ZNF578: variants seen among roughly 807,000 people sequenced by gnomAD.
ZNF578 encodes zinc finger protein 578.
In ZNF578, 8 loss-of-function variants were observed where a neutral mutation model predicts 8.3. The observed-to-expected ratio is 0.96, with a 90% CI of 0.56 to 1.74. ZNF578 has a LOEUF of 1.74. ZNF578 is among the 40% of genes most tolerant of loss of function. The pLI is 0.00. For synonymous variants in ZNF578, 206 were observed against 232.2 expected, an observed-to-expected ratio of 0.89 and a Z score of 1.03; for missense variants, 726 against 707.5, an observed-to-expected ratio of 1.03 and a Z score of -0.30.
chr19:52,482,797 T>C (rs10401536), intron 2 of ZNF578, among the ~76,000 whole-genome samples: 93,177 of 151,074 alleles, frequency 0.62, 28,816 homozygotes, highest in African/African-American at 0.65. Context: ...ATTAGCGGGG[T>C]GTGGTGGTAC....
At chr19:52,488,920 C>T (rs1245249527) in intron 2 of ZNF578, among the ~76,000 whole-genome samples, 2 of 151,982 alleles carry the variant, frequency 1.3e-5, no homozygotes, top group African/African-American at 4.8e-5. Flanking sequence ...CATGGTGAAA[C>T]CCCGTCTCTA....
At chr19:52,489,542 C>A (rs534869701) in intron 2 of ZNF578, among the ~76,000 whole-genome samples, 1 of 152,040 alleles carries the variant, frequency 6.6e-6, no homozygotes, top group East Asian at 1.9e-4. Flanking sequence ...GAGCCAAGGT[C>A]ACGCCATTGC....
At chr19:52,459,713 A>ATG (rs1555751309) in intron 2 of ZNF578, among the ~76,000 whole-genome samples, 1,134 of 18,204 alleles carry the variant, frequency 0.062, 28 homozygotes, top group East Asian at 0.2. Flanking sequence ...ATATGTAGAT[A>ATG]TGTGTGTGTG....
chr19:52,460,196 G>A (rs955152017), intron 2 of ZNF578, among the ~76,000 whole-genome samples: 3 of 151,992 alleles, frequency 2.0e-5, no homozygotes, highest in Admixed American at 1.3e-4. Context: ...GGATTATATG[G>A]TAGTACTGTT....
At chr19:52,508,128 C>T (rs536567534) in intron 5 of ZNF578, among the ~76,000 whole-genome samples, 3 of 151,868 alleles carry the variant, frequency 2.0e-5, no homozygotes, top group African/African-American at 4.8e-5. Context: ...GTGCAGATCA[C>T]GAAGTCAAAA....
In ZNF578 at chr19:52,499,689, G is replaced by GTTTTTTTTTTTTTTTT. The variant is rs66824085; in HGVS notation, c.-19-2125_-19-2124insTTTTTTTTTTTTTTTT. On this transcript the variant is annotated intron_variant, in intron 3 of 5. Coordinates refer to ENST00000421239, the MANE Select transcript of ZNF578 (RefSeq NM_001099694.2). Reference sequence around the variant, plus strand: ...TGAGAAGATACATCACTTCCAAATCGTTTTTTTTTTTTTGAGATGAATTTT... The same window carrying GTTTTTTTTTTTTTTTT: ...TGAGAAGATACATCACTTCCAAATCGTTTTTTTTTTTTTTTTTTTTTTTTTTTTTGAGATGAATTTT... Among the ~76,000 whole-genome samples, 36 of 141,574 alleles carry GTTTTTTTTTTTTTTTT rather than the reference G, an allele frequency of 2.5e-4. 1 individual carries two copies. Among genetic ancestry groups the GTTTTTTTTTTTTTTTT allele is most frequent in the African/African-American group, 8.8e-4 (33 of 37,544 alleles). 92.9% of individuals were successfully genotyped at this position (141,574 alleles called of 152,430 possible).
intron 2 of ZNF578, among the ~76,000 whole-genome samples, chr19:52,484,851 CACTG>C (rs1208350669): frequency 2.6e-5 from 4 of 151,332 alleles, no homozygotes; most frequent in African/African-American, 4.8e-5. Flanking sequence ...TATCTCCCTT[CACTG>C]ACTCTCTTTT....
At position 52,504,662 on chromosome 19, in the gene ZNF578, T is replaced by A. The variant is rs780299019; in HGVS notation, c.71T>A (p.Leu24Ter). 2.5e-6 allele frequency: 4 copies of A among 1,614,010 alleles called. No individual in the cohort carries two copies. The South Asian group carries it at 4.4e-5, about 18-fold the overall frequency. ...EPGMALPQGRLTFRDVAIEFS... is the reference protein window; with the variant it reads ...EPGMALPQGR Reference sequence around the variant, plus strand: ...ATGTGTGTTTCATTTTAGGGACGCTTGACTTTCAGGGATGTGGCTATAGAA... The same window carrying A: ...ATGTGTGTTTCATTTTAGGGACGCTAGACTTTCAGGGATGTGGCTATAGAA... The change falls in exon 5 of 6, where the codon TTG becomes TAG. Residue 24 changes from leucine to a stop codon, truncating the protein, a stop_gained. Transcript: ENST00000421239. LOFTEE classifies it high-confidence loss of function.
At chr19:52,502,293 T>A (rs929532423) in intron 4 of ZNF578, among the ~76,000 whole-genome samples, 15 of 152,186 alleles carry the variant, frequency 9.9e-5, no homozygotes, top group Non-Finnish European at 1.8e-4. Context: ...GCATATGAAA[T>A]ACGTATGTTA....
rs577903545 is a variant in ZNF578 at position 52,512,785 on chromosome 19, C to G, written c.*631C>G. ...TTCCCAATGCAGTGAGTATAGCAAA[C>G]CATCAAGCATTAATTGACATTGGAG... On this transcript the variant is annotated 3_prime_UTR_variant, in exon 6 of 6. Coordinates refer to ENST00000421239, the MANE Select transcript of ZNF578 (RefSeq NM_001099694.2). Among the ~76,000 whole-genome samples, 6 of 152,314 alleles carry G rather than the reference C, an allele frequency of 3.9e-5. No homozygotes were observed. The highest frequency in any genetic ancestry group is 1.2e-4 in the African/African-American group (5 of 41,566).
Position 52,501,987 on chromosome 19 carries a change from T to C in ZNF578, c.63+79T>C, listed in dbSNP as rs2059409617. The stretch of plus-strand genomic sequence containing the variant: ...GTAGTATTATATTGTATTGTAGTAA[T>C]GTATTGTAACAGCCAGTCTTTTCTG... On this transcript the variant is annotated intron_variant, in intron 4 of 5. Coordinates refer to ENST00000421239, the MANE Select transcript of ZNF578 (RefSeq NM_001099694.2). 4.5e-6 allele frequency: 7 copies of C among 1,549,250 alleles called. No homozygotes were observed. The East Asian group carries it at 1.4e-4, about 30-fold the overall frequency.
chr19:52,470,406 G>A (rs1568456921), intron 2 of ZNF578, among the ~76,000 whole-genome samples: 1 of 152,218 alleles, frequency 6.6e-6, no homozygotes, highest in Non-Finnish European at 1.5e-5. Flanking sequence ...TGGAGATTAT[G>A]ATTTAAGGAG....
intron 2 of ZNF578, among the ~76,000 whole-genome samples, chr19:52,482,179 A>G (rs540767398): frequency 1.9e-4 from 29 of 152,136 alleles, no homozygotes; most frequent in Non-Finnish European, 3.8e-4. Flanking sequence ...GATTACAGGC[A>G]TGCACCACAA....
At chr19:52,499,689 G>GTTTTTTTTTTTTTTTTTTTTTTTTTTT (rs66824085) in intron 3 of ZNF578, among the ~76,000 whole-genome samples, 11 of 141,590 alleles carry the variant, frequency 7.8e-5, no homozygotes, top group African/African-American at 2.9e-4. Context: ...CTTCCAAATC[G>GTTTTTTTTTTTTTTTTTTTTTTTTTTT]TTTTTTTTTT....
rs749553422 is a variant in ZNF578, at chr19:52,511,092, C to T, written c.711C>T (p.Gly237=). 34 of 1,614,090 alleles carry T rather than the reference C, an allele frequency of 2.1e-5. No individual in the cohort carries two copies. The highest frequency in any genetic ancestry group is 1.6e-4 in the Middle Eastern group (1 of 6,062). ...AATCTTTCCAATGTAATGAGACTGGCGAAGCCTTTAATTGTAGCTCATTTG... is the reference window on the plus strand; with the variant it reads ...AATCTTTCCAATGTAATGAGACTGGTGAAGCCTTTAATTGTAGCTCATTTG... ...REKSFQCNET[G]EAFNCSSFVR... Residue 237 remains glycine, a synonymous_variant, in exon 6 of 6, where the codon GGC becomes GGT. Coordinates refer to ENST00000421239, the MANE Select transcript of ZNF578 (RefSeq NM_001099694.2).
chr19:52,480,985 A>G (rs967523012), intron 2 of ZNF578, among the ~76,000 whole-genome samples: 5 of 151,784 alleles, frequency 3.3e-5, no homozygotes, highest in Non-Finnish European at 7.4e-5. Flanking sequence ...CCTTTGGCCT[A>G]TGAAATAGAG....
intron 2 of ZNF578, among the ~76,000 whole-genome samples, chr19:52,469,785 G>T (rs2059286373): frequency 6.6e-6 from 1 of 152,176 alleles, no homozygotes; most frequent in African/African-American, 2.4e-5. Context: ...TAAGCTCAGA[G>T]ATGATACCTC....
intron 5 of ZNF578, among the ~76,000 whole-genome samples, chr19:52,509,559 G>T (rs142000390): frequency 6.6e-5 from 10 of 152,170 alleles, no homozygotes; most frequent in South Asian, 4.1e-4. Flanking sequence ...GAGGCCAAAG[G>T]GGGTGGAGAC....
chr19:52,464,383 G>A (rs2059268053), intron 2 of ZNF578, among the ~76,000 whole-genome samples: 1 of 152,094 alleles, frequency 6.6e-6, no homozygotes, highest in Admixed American at 6.5e-5. Context: ...ATTAGACATA[G>A]CATAAGTAGC....
Sources: allele counts gnomAD v4.1 joint callset (sites outside exome capture counted in the v4.1 genomes callset), GRCh38; gene constraint gnomAD v4.1.1; transcripts MANE v1.5; gene names NCBI Gene and HGNC (gene_info 2026-07-23, HGNC 2026-07-21).